The following PDE4D variants were observed in gnomAD, a reference collection of about 807,000 sequenced individuals.
PDE4D encodes the protein 3',5'-cyclic-AMP phosphodiesterase 4D.
Under a neutral mutation model 87.4 loss-of-function variants are expected in PDE4D, and 24 were observed. That is an observed-to-expected ratio of 0.27 (90% CI 0.20 to 0.39). The LOEUF is 0.39. PDE4D is among the 10% of genes least tolerant of loss of function. The pLI is 1.00. For synonymous variants in PDE4D, 384 were observed against 383.2 expected (o/e 1.00, Z -0.02); for missense variants, 714 against 1,041.0 (o/e 0.69, Z 4.32).
intron 3 of PDE4D, among the ~76,000 whole-genome samples, chr5:59,978,135 C>T (rs1761528002): frequency 6.6e-6 from 1 of 152,150 alleles, no homozygotes; most frequent in South Asian, 2.1e-4. Context: ...CATTCTGAAG[C>T]CCATGTTCCA....
chr5:60,339,761 TC>T (rs772556664), intron 1 of PDE4D, among the ~76,000 whole-genome samples: 19 of 152,324 alleles, frequency 1.2e-4, no homozygotes, highest in Non-Finnish European at 2.6e-4. Context: ...ACATGTGCTT[TC>T]TGGAAGCAGT....
At chr5:59,854,353 T>C (rs1745110059) in intron 1 of PDE4D, among the ~76,000 whole-genome samples, 1 of 152,116 alleles carries the variant, frequency 6.6e-6, no homozygotes, top group Non-Finnish European at 1.5e-5. Context: ...TTTATTGTCT[T>C]GTAAAACCTG....
rs551963518 is a variant in PDE4D at position 59,122,178 on chromosome 5, A to G, written c.808+58417T>C. Among the ~76,000 whole-genome samples, 13 of 151,372 alleles carry G rather than the reference A, an allele frequency of 8.6e-5. No homozygotes were observed. In the South Asian group the frequency reaches 2.5e-3, roughly 29 times the overall value. ...AAAAAAAAAAAAAAGCAAGAAAGAA[A>G]GGAAGAAAGAAAGAAAACATGGTAT... On this transcript the variant is annotated intron_variant, in intron 5 of 14. Coordinates refer to ENST00000340635, the MANE Select transcript of PDE4D (RefSeq NM_001104631.2).
chr5:59,480,519 A>G (rs990527709), intron 1 of PDE4D, among the ~76,000 whole-genome samples: 9 of 152,036 alleles, frequency 5.9e-5, no homozygotes, highest in African/African-American at 2.2e-4. Flanking sequence ...ACCACTCAAG[A>G]GTGCTTCTGC....
At chr5:60,446,966 G>T (rs1745692601) in intron 1 of PDE4D, among the ~76,000 whole-genome samples, 1 of 152,160 alleles carries the variant, frequency 6.6e-6, no homozygotes, top group South Asian at 2.1e-4. Context: ...TGCCCTGGGG[G>T]CCTTGGCAAA....
At chr5:59,243,298 A>G (rs1758050464) in intron 1 of PDE4D, among the ~76,000 whole-genome samples, 2 of 152,176 alleles carry the variant, frequency 1.3e-5, no homozygotes, top group South Asian at 2.1e-4. Flanking sequence ...TGTCTCTCAT[A>G]TGGAACTGGG....
chr5:59,329,053 A>T (rs1002019613), intron 1 of PDE4D, among the ~76,000 whole-genome samples: 2 of 152,192 alleles, frequency 1.3e-5, no homozygotes, highest in African/African-American at 4.8e-5. Flanking sequence ...CCTCCTTGCA[A>T]GAAGGCCATT....
At chr5:59,668,720 AAAGAAGAAGAAGAAGAAAG>A (rs1382705726) in intron 1 of PDE4D, among the ~76,000 whole-genome samples, 4 of 110,818 alleles carry the variant, frequency 3.6e-5, no homozygotes, top group Non-Finnish European at 6.3e-5. Flanking sequence ...TCAAGAAAAA[AAAGAAGAAGAAGAAGAAAG>A]AAGAAGAAGA....
At chr5:59,752,351 A>C (rs1369694359) in intron 1 of PDE4D, among the ~76,000 whole-genome samples, 2 of 152,208 alleles carry the variant, frequency 1.3e-5, no homozygotes, top group Non-Finnish European at 2.9e-5. Flanking sequence ...AATTTTATGA[A>C]ACATGTATGA....
At chr5:59,250,303 ACT>A (rs1759664129) in intron 1 of PDE4D, among the ~76,000 whole-genome samples, 1 of 143,556 alleles carries the variant, frequency 7.0e-6, no homozygotes, top group Non-Finnish European at 1.5e-5. Flanking sequence ...ATAGGGAGAC[ACT>A]GTCTCTACAA....
intron 3 of PDE4D, among the ~76,000 whole-genome samples, chr5:59,945,166 C>T (rs7718666): frequency 0.026 from 3,900 of 152,124 alleles, 165 homozygotes; most frequent in African/African-American, 0.09. Context: ...TTAATTTTTC[C>T]GTGCTTCAGT....
chr5:60,498,429 T>C (rs1749919156), intron 1 of PDE4D, among the ~76,000 whole-genome samples: 1 of 152,158 alleles, frequency 6.6e-6, no homozygotes, highest in Non-Finnish European at 1.5e-5. Context: ...ACATTGACTC[T>C]CTCTCCCAAA....
intron 5 of PDE4D, among the ~76,000 whole-genome samples, chr5:59,162,722 C>T (rs1187623674): frequency 1.3e-5 from 2 of 150,228 alleles, no homozygotes; most frequent in Non-Finnish European, 3.0e-5. Flanking sequence ...TGGTGCAGTG[C>T]TATGTGCCTG....
intron 1 of PDE4D, among the ~76,000 whole-genome samples, chr5:59,773,266 T>C (rs1420804902): frequency 2.0e-5 from 3 of 152,220 alleles, no homozygotes; most frequent in Non-Finnish European, 4.4e-5. Context: ...AGAGGTCATA[T>C]AGTTTACCAA....
chr5:60,138,226 C>T (rs921781206), intron 2 of PDE4D, among the ~76,000 whole-genome samples: 16 of 152,048 alleles, frequency 1.1e-4, no homozygotes, highest in Non-Finnish European at 2.4e-4. Context: ...AGCATGATGC[C>T]TCTAGCTTTG....
chr5:60,413,720 T>TTA (rs1175178679), intron 1 of PDE4D, among the ~76,000 whole-genome samples: 2 of 151,940 alleles, frequency 1.3e-5, no homozygotes, highest in Middle Eastern at 3.4e-3. Flanking sequence ...CGTTTATTTT[T>TTA]TTTTTTTTTG....
At chr5:59,325,686 A>T (rs1775513739) in intron 1 of PDE4D, among the ~76,000 whole-genome samples, 1 of 152,182 alleles carries the variant, frequency 6.6e-6, no homozygotes, top group African/African-American at 2.4e-5. Context: ...CGTATAAGGT[A>T]GAAGTTACCC....
At chr5:59,884,764 T>C (rs1749920644) in intron 1 of PDE4D, among the ~76,000 whole-genome samples, 1 of 152,034 alleles carries the variant, frequency 6.6e-6, no homozygotes, top group Admixed American at 6.6e-5. Context: ...TGATATATTG[T>C]TCACTGAAAA....
intron 1 of PDE4D, among the ~76,000 whole-genome samples, chr5:60,378,899 A>G (rs576948562): frequency 1.2e-3 from 184 of 151,072 alleles, no homozygotes; most frequent in Non-Finnish European, 1.8e-3. Flanking sequence ...GAGAGAGAGA[A>G]AGAAAGAAAG....
Sources: allele counts gnomAD v4.1 joint callset (sites outside exome capture counted in the v4.1 genomes callset), GRCh38; gene constraint gnomAD v4.1.1; transcripts MANE v1.5; gene names NCBI Gene and HGNC (gene_info 2026-07-23, HGNC 2026-07-21).